Variants in SEC16A observed in about 807,000 individuals in gnomAD.
SEC16A encodes protein transport protein Sec16A.
SEC16A carries 110 observed loss-of-function variants against 221.9 expected under a neutral mutation model. The observed-to-expected ratio is 0.50, with a 90% CI of 0.42 to 0.58. The LOEUF is 0.58. SEC16A is among the 20% of genes least tolerant of loss of function. The pLI, the probability that SEC16A is intolerant of heterozygous loss-of-function variation, is 0.00. For missense variants in SEC16A, 3,165 were observed against 3,097.8 expected, an observed-to-expected ratio of 1.02 and a Z score of -0.52; for synonymous variants, 1,393 against 1,257.7, an observed-to-expected ratio of 1.11 and a Z score of -2.28.
intron 23 of SEC16A, among the ~76,000 whole-genome samples, chr9:136,449,465 A>G (rs1837484839): frequency 6.6e-6 from 1 of 152,156 alleles, no homozygotes; most frequent in East Asian, 1.9e-4. Flanking sequence ...GGCCACGCTG[A>G]TCGTGAACTC....
At position 136,446,848 on chromosome 9, in the gene SEC16A, C is replaced by T. The variant is rs763371853; in HGVS notation, c.6792+7G>A. The stretch of plus-strand genomic sequence containing the variant: ...TACCTTTCCCCTTTCCCACCGTACC[C>T]GCTCACCTTGGGCTCTGGGGCAGGC... On this transcript the variant is annotated splice_region_variant and intron_variant, in intron 28 of 31. Coordinates refer to ENST00000684901, the MANE Select transcript of SEC16A (RefSeq NM_014866.2). The T allele has an allele frequency of 1.9e-5, 31 of 1,596,702 alleles. No homozygotes were observed. The highest frequency in any genetic ancestry group is 1.0e-4 in the South Asian group (9 of 88,570).
At chr9:136,471,856 G>C in intron 4 of SEC16A, 119 bp downstream of exon 4, 1 of 1,226,294 alleles carries the variant, frequency 8.2e-7, no homozygotes, top group Non-Finnish European at 1.2e-6. Context: ...TGTTAGATAA[G>C]TTTGTACAAT....
At chr9:136,450,449 C>G (rs971116867) in intron 23 of SEC16A, among the ~76,000 whole-genome samples, 5 of 151,798 alleles carry the variant, frequency 3.3e-5, no homozygotes, top group Admixed American at 6.6e-5. Flanking sequence ...TGAGACCAGC[C>G]TGGGCAATAG....
At chr9:136,484,731 G>T, upstream of SEC16A, 1 of 1,366,806 alleles carries the variant, frequency 7.3e-7, no homozygotes, top group South Asian at 1.1e-5. Context: ...CGTGGCACCA[G>T]GGCCAATCTG....
chr9:136,454,120 C>A lies in SEC16A; in HGVS notation c.6065G>T (p.Ser2022Ile), dbSNP rs1053553428. ...ERRHLLQEAR[S>I]PDPGIVPQEA... ...CTCTGCAGCCCCACCTGGGTCTGGG[C>A]TCCTGGCTTCCTGGAGCAAGTGTCT... Residue 2022 changes from serine (S) to isoleucine (I), a missense_variant, in exon 21 of 32, where the codon AGC becomes ATC. Transcript: ENST00000684901. 1 of 1,551,240 alleles carries A rather than the reference C, an allele frequency of 6.4e-7. No individual in the cohort carries two copies. Among genetic ancestry groups the A allele is most frequent in the Admixed American group, 2.0e-5 (1 of 51,092 alleles).
chr9:136,483,696 C>T, upstream of SEC16A: 3 of 985,570 alleles, frequency 3.0e-6, no homozygotes, highest in Non-Finnish European at 2.4e-6. Context: ...CAGGCTCACG[C>T]ACCGAGAACG....
intron 1 of SEC16A, among the ~76,000 whole-genome samples, chr9:136,481,796 A>T (rs1053637317): frequency 1.3e-5 from 2 of 152,166 alleles, no homozygotes; most frequent in Non-Finnish European, 2.9e-5. Flanking sequence ...GATCAACTCC[A>T]ACTCTTCTAA....
At chr9:136,468,353 T>C in intron 5 of SEC16A, 62 bp downstream of exon 5, 2 of 1,006,386 alleles carry the variant, frequency 2.0e-6, no homozygotes, top group South Asian at 2.7e-5. Context: ...GGGCTGCATG[T>C]CATCAGTGTC....
intron 22 of SEC16A, among the ~76,000 whole-genome samples, chr9:136,451,721 A>G (rs1481217677): frequency 2.0e-5 from 3 of 152,172 alleles, no homozygotes; most frequent in Non-Finnish European, 4.4e-5. Context: ...ACGGAGTGTG[A>G]GCATGCACTG....
At chr9:136,469,514 A>G (rs983359480) in intron 4 of SEC16A, among the ~76,000 whole-genome samples, 2 of 152,144 alleles carry the variant, frequency 1.3e-5, no homozygotes, top group African/African-American at 4.8e-5. Flanking sequence ...CAGTAAAAAA[A>G]TTAGCCAGGC....
chr9:136,472,898 G>T (rs538427125), intron 3 of SEC16A, among the ~76,000 whole-genome samples: 36 of 152,380 alleles, frequency 2.4e-4, no homozygotes, highest in African/African-American at 8.4e-4. Context: ...TGCGGAGGGA[G>T]GTGGCTCGCA....
At chr9:136,443,495 G>A (rs936640340) in intron 31 of SEC16A, among the ~76,000 whole-genome samples, 3 of 152,196 alleles carry the variant, frequency 2.0e-5, no homozygotes. Context: ...GACCAGCCTA[G>A]GCAACAAGGT....
intron 11 of SEC16A, 122 bp downstream of exon 11, chr9:136,463,341 G>A: frequency 1.5e-6 from 2 of 1,337,162 alleles, no homozygotes; most frequent in Non-Finnish European, 2.1e-6. Flanking sequence ...TCCTAAGGGG[G>A]CCCTCGAGGC....
intron 12 of SEC16A, among the ~76,000 whole-genome samples, chr9:136,462,650 T>G (rs1053239371): frequency 1.2e-4 from 19 of 152,120 alleles, no homozygotes; most frequent in African/African-American, 4.6e-4. Context: ...AACTGAAAAT[T>G]TAATCTGCAG....
rs1325311441 is a variant in SEC16A, at chr9:136,446,975, A to G, written c.6698-26T>C. 5 of 1,613,260 alleles carry G rather than the reference A, an allele frequency of 3.1e-6. No homozygotes were observed. In the African/African-American group the frequency reaches 5.3e-5, roughly 17 times the overall value. On this transcript the variant is annotated intron_variant, in intron 27 of 31. Transcript: ENST00000684901. The stretch of plus-strand genomic sequence containing the variant: ...CTGGGGATGAGAGAGCGAGGAGGCC[A>G]TCATTCCGTCCCGAACGTCCCTGGG...
chr9:136,483,211 C>G, upstream of SEC16A, among the ~76,000 whole-genome samples: 1 of 132,262 alleles, frequency 7.6e-6, no homozygotes, highest in Non-Finnish European at 1.7e-5. Flanking sequence ...CTCCCCGCCT[C>G]ATCCCTCTGT....
In SEC16A at chr9:136,466,029, G is replaced by GAA. The variant is rs752042808; in HGVS notation, c.4234_4235dup (p.Ser1414AlafsTer51). 6.2e-7 allele frequency: 1 copy of GAA among 1,613,658 alleles called. No individual in the cohort carries two copies. The highest frequency in any genetic ancestry group is 8.5e-7 in the Non-Finnish European group (1 of 1,179,854). ...ACTCTGGGAAGCCGGGGCCACTGCT[G>GAA]AAATTGCTGCGGTAGGTGCCGTAGG... On this transcript the variant is annotated frameshift_variant, in exon 8 of 32. Coordinates refer to ENST00000684901, the MANE Select transcript of SEC16A (RefSeq NM_014866.2). LOFTEE classifies it high-confidence loss of function. This position sits in a 1 kb window ranked among gnomAD's most constrained non-coding sequence, Gnocchi z 5.5.
Position 136,455,224 on chromosome 9 carries a change from C to T in SEC16A, c.5857+377G>A, listed in dbSNP as rs532122953. Among the ~76,000 whole-genome samples the T allele has an allele frequency of 4.6e-5, 7 of 152,296 alleles. No homozygotes were observed. The East Asian group carries it at 9.6e-4, about 21-fold the overall frequency. ...AGCTCTGGGCTGGCCCTTCCACCGA[C>T]GGGGCCGACTGGGAGAAGCAGGTTA... is the stretch of plus-strand genomic sequence containing the variant. On this transcript the variant is annotated intron_variant, in intron 20 of 31. Coordinates refer to ENST00000684901, the MANE Select transcript of SEC16A (RefSeq NM_014866.2).
chr9:136,464,208 C>G (rs1839868755), intron 9 of SEC16A, among the ~76,000 whole-genome samples: 1 of 152,228 alleles, frequency 6.6e-6, no homozygotes, highest in African/African-American at 2.4e-5. Context: ...GTTGAACACC[C>G]AAGGCAGACG....
Sources: allele counts gnomAD v4.1 joint callset (sites outside exome capture counted in the v4.1 genomes callset), GRCh38; gene constraint gnomAD v4.1.1; non-coding constraint Gnocchi (gnomAD v3.1); transcripts MANE v1.5; gene names NCBI Gene and HGNC (gene_info 2026-07-23, HGNC 2026-07-21).